ADCY2: variants seen among roughly 807,000 people sequenced by gnomAD.
The protein encoded by ADCY2 is adenylate cyclase type 2.
In ADCY2, 31 loss-of-function variants were observed where a neutral mutation model predicts 125.2. The observed-to-expected ratio is 0.25, with a 90% CI of 0.19 to 0.33. The LOEUF (loss-of-function observed/expected upper bound fraction) is 0.33. ADCY2 is among the 10% of genes least tolerant of loss of function. ADCY2 has a pLI of 1.00. For missense variants in ADCY2, 904 were observed against 1,418.2 expected (o/e 0.64, Z 5.82); for synonymous variants, 512 against 548.4 (o/e 0.93, Z 0.93).
chr5:7,599,456 A>G (rs1258487332), intron 3 of ADCY2, among the ~76,000 whole-genome samples: 3 of 152,206 alleles, frequency 2.0e-5, no homozygotes, highest in Admixed American at 1.3e-4. Context: ...CCAAATGCAT[A>G]GAGAGAATGG....
chr5:7,703,827 T>C (rs907004257), intron 7 of ADCY2, among the ~76,000 whole-genome samples: 1 of 151,924 alleles, frequency 6.6e-6, no homozygotes, highest in Non-Finnish European at 1.5e-5. Context: ...GTATGTTCAT[T>C]TTCCCTGTTT....
At chr5:7,774,094 T>C (rs1743639241) in intron 18 of ADCY2, among the ~76,000 whole-genome samples, 1 of 152,228 alleles carries the variant, frequency 6.6e-6, no homozygotes, top group African/African-American at 2.4e-5. Flanking sequence ...TGTTTTGTGT[T>C]GACAGTACAT....
chr5:7,709,287 G>GCA lies in ADCY2; in HGVS notation c.1479_1480dup (p.Met494ThrfsTer2). On this transcript the variant is annotated frameshift_variant, in exon 10 of 25. Coordinates refer to ENST00000338316, the MANE Select transcript of ADCY2 (RefSeq NM_020546.3). LOFTEE classifies it high-confidence loss of function. This position sits in a 1 kb window ranked among gnomAD's most constrained non-coding sequence, Gnocchi z 4.4. ...GGAGCCAAAATGAGGGCCTCGGTCC[G>GCA]CATGACCCGGTACTTGGAGTCCTGG... 1 of 1,613,690 alleles carries GCA rather than the reference G, an allele frequency of 6.2e-7. No homozygotes were observed. The highest frequency in any genetic ancestry group is 8.5e-7 in the Non-Finnish European group (1 of 1,179,862).
At chr5:7,531,185 G>T (rs1734628249) in intron 3 of ADCY2, among the ~76,000 whole-genome samples, 1 of 152,142 alleles carries the variant, frequency 6.6e-6, no homozygotes, top group African/African-American at 2.4e-5. Context: ...GGCATATAGA[G>T]AGCTGGTTAT....
chr5:7,569,014 T>C (rs1471969966), intron 3 of ADCY2, among the ~76,000 whole-genome samples: 1 of 152,164 alleles, frequency 6.6e-6, no homozygotes, highest in Non-Finnish European at 1.5e-5. Context: ...TGCAATGTGC[T>C]ACTGAAACAG....
At chr5:7,723,436 G>A (rs1471429854) in intron 12 of ADCY2, among the ~76,000 whole-genome samples, 5 of 152,172 alleles carry the variant, frequency 3.3e-5, no homozygotes, top group African/African-American at 2.4e-5. Context: ...GTGCCTGGCA[G>A]TGAGAGTCTT....
At chr5:7,638,285 A>G (rs1738576020) in intron 4 of ADCY2, among the ~76,000 whole-genome samples, 1 of 152,232 alleles carries the variant, frequency 6.6e-6, no homozygotes, top group Admixed American at 6.5e-5. Context: ...CCAGTAGCAT[A>G]GAATAAAAAC....
chr5:7,761,427 G>A (rs1479676196), intron 16 of ADCY2, among the ~76,000 whole-genome samples: 1 of 152,156 alleles, frequency 6.6e-6, no homozygotes, highest in Non-Finnish European at 1.5e-5. Flanking sequence ...GATTACAGGT[G>A]TGGGCCACCA....
At chr5:7,676,940 G>A (rs1740146162) in intron 4 of ADCY2, among the ~76,000 whole-genome samples, 1 of 152,132 alleles carries the variant, frequency 6.6e-6, no homozygotes, top group Non-Finnish European at 1.5e-5. Context: ...TGCTCTCAGG[G>A]CCCCTTATGG....
At chr5:7,679,973 G>C (rs979614719) in intron 4 of ADCY2, among the ~76,000 whole-genome samples, 18 of 152,104 alleles carry the variant, frequency 1.2e-4, no homozygotes, top group African/African-American at 4.1e-4. Context: ...GTGATGTCCT[G>C]GAGAGGTGCC....
intron 7 of ADCY2, among the ~76,000 whole-genome samples, chr5:7,703,182 C>T (rs1205438853): frequency 6.6e-6 from 1 of 152,148 alleles, no homozygotes; most frequent in Non-Finnish European, 1.5e-5. Context: ...TGTAGGTTGC[C>T]TGTTCACTCT....
At chr5:7,587,239 C>G (rs927962754) in intron 3 of ADCY2, among the ~76,000 whole-genome samples, 1 of 152,088 alleles carries the variant, frequency 6.6e-6, no homozygotes, top group South Asian at 2.1e-4. Flanking sequence ...CAGGGTGTCC[C>G]CACTCACCCT....
chr5:7,651,623 T>C (rs1188376961), intron 4 of ADCY2, among the ~76,000 whole-genome samples: 7 of 151,750 alleles, frequency 4.6e-5, no homozygotes, highest in Admixed American at 4.6e-4. Flanking sequence ...AGATGGAGGG[T>C]GGGTCTGCCT....
intron 2 of ADCY2, among the ~76,000 whole-genome samples, chr5:7,498,250 T>G (rs1255345716): frequency 2.2e-5 from 3 of 137,040 alleles, no homozygotes; most frequent in South Asian, 2.4e-4. Flanking sequence ...TTTTTTTTTT[T>G]TTTTTTTTTT....
At chr5:7,817,201 T>G (rs1745140703) in intron 23 of ADCY2, among the ~76,000 whole-genome samples, 1 of 151,946 alleles carries the variant, frequency 6.6e-6, no homozygotes, top group African/African-American at 2.4e-5. Context: ...CAAGGTCGCG[T>G]CTACAAACAC....
chr5:7,407,957 C>T (rs1739562917), intron 1 of ADCY2, among the ~76,000 whole-genome samples: 1 of 151,694 alleles, frequency 6.6e-6, no homozygotes, highest in African/African-American at 2.4e-5. Context: ...AAACCTCCGC[C>T]TCCTGGGTTC....
chr5:7,707,573 A>G (rs1741303454), intron 8 of ADCY2, 133 bp from the exon 9 acceptor site: 1 of 1,058,874 alleles, frequency 9.4e-7, no homozygotes, highest in Non-Finnish European at 1.4e-6. Context: ...TCAATAGAAT[A>G]TAAACTTTAA....
chr5:7,613,902 A>G (rs546801254), intron 3 of ADCY2, among the ~76,000 whole-genome samples: 4 of 152,362 alleles, frequency 2.6e-5, no homozygotes, highest in African/African-American at 7.2e-5. Flanking sequence ...AAAACCAGTC[A>G]TATTATTTAC....
At chr5:7,406,191 C>T (rs1177926498) in intron 1 of ADCY2, among the ~76,000 whole-genome samples, 1 of 152,114 alleles carries the variant, frequency 6.6e-6, no homozygotes, top group Non-Finnish European at 1.5e-5. Flanking sequence ...AATATACATA[C>T]TCCCTTTTCA....
Sources: allele counts gnomAD v4.1 joint callset (sites outside exome capture counted in the v4.1 genomes callset), GRCh38; gene constraint gnomAD v4.1.1; non-coding constraint Gnocchi (gnomAD v3.1); transcripts MANE v1.5; gene names NCBI Gene and HGNC (gene_info 2026-07-23, HGNC 2026-07-21).